Variants in APOBEC3B observed in about 807,000 individuals in gnomAD.
APOBEC3B encodes the protein DNA dC->dU-editing enzyme APOBEC-3B.
In APOBEC3B, 29 loss-of-function variants were observed where a neutral mutation model predicts 53.4. The ratio of observed to expected loss-of-function variants is 0.54; its 90% CI spans 0.40 to 0.74. The LOEUF (loss-of-function observed/expected upper bound fraction) is 0.74, where lower values mean the gene tolerates loss of function less well. APOBEC3B is among the 30% of genes least tolerant of loss of function. The probability of loss-of-function intolerance (pLI) is 0.00; values close to 1 mark genes in which losing one functional copy is unlikely to be tolerated. For synonymous variants in APOBEC3B, 132 were observed against 184.8 expected (o/e 0.71, Z 2.32); for missense variants, 347 against 496.2 (o/e 0.70, Z 2.86).
At position 38,991,931 on chromosome 22, in the gene APOBEC3B, A is replaced by G. The variant is rs190281980; in HGVS notation, c.1019-103A>G. ...TAGGGGAGGGAGAGGGAAAGGAGGGACTGAAACCAGGATGTGGGAAGTCTG... is the reference window on the plus strand; with the variant it reads ...TAGGGGAGGGAGAGGGAAAGGAGGGGCTGAAACCAGGATGTGGGAAGTCTG... On this transcript the variant is annotated intron_variant, in intron 6 of 7. Transcript: ENST00000333467. The G allele has an allele frequency of 1.1e-4, 155 of 1,434,402 alleles. 7 individuals are homozygous for G. In the African/African-American group the frequency reaches 2.1e-3, roughly 20 times the overall value. 88.9% of individuals were successfully genotyped at this position (1,434,402 alleles called of 1,614,324 possible).
At chr22:38,990,164 C>T (rs1297002288) in intron 5 of APOBEC3B, among the ~76,000 whole-genome samples, 1 of 148,058 alleles carries the variant, frequency 6.8e-6, no homozygotes, top group Admixed American at 6.9e-5. Flanking sequence ...CTTCCCTGGC[C>T]CCTACCCAGC....
intron 4 of APOBEC3B, among the ~76,000 whole-genome samples, chr22:38,988,380 A>G (rs1923821761): frequency 1.3e-5 from 2 of 148,580 alleles, no homozygotes; most frequent in Non-Finnish European, 3.0e-5. Flanking sequence ...GATTCTCTTC[A>G]CTTGTCTTTA....
Position 38,986,562 on chromosome 22 carries a change from C to A in APOBEC3B, c.569+150C>A, listed in dbSNP as rs1923751140. The A allele has an allele frequency of 1.1e-5, 11 of 965,218 alleles. No individual in the cohort carries two copies. In the South Asian group the frequency reaches 1.7e-4, roughly 15 times the overall value. The allele number at this position is 965,218 out of a possible 1,614,324, so 59.8% of individuals were successfully genotyped here. A position where few individuals can be genotyped will look rare whatever the true frequency, so the allele number is the denominator to read the frequency against. On this transcript the variant is annotated intron_variant, in intron 4 of 7. Coordinates refer to ENST00000333467, the MANE Select transcript of APOBEC3B (RefSeq NM_004900.5). The stretch of plus-strand genomic sequence containing the variant: ...CTTCCCTTAACTCCTGGTGCTCCCT[C>A]CACACTGCCTCCTCCCTGCTTTCCT...
At chr22:38,988,748 C>CTTTCTTGCTTT (rs1317657637) in intron 4 of APOBEC3B, among the ~76,000 whole-genome samples, 2 of 65,902 alleles carry the variant, frequency 3.0e-5, no homozygotes, top group African/African-American at 1.2e-4. Context: ...TTTCTTTCTT[C>CTTTCTTGCTTT]CTTTCTTCTC....
intron 5 of APOBEC3B, among the ~76,000 whole-genome samples, chr22:38,990,214 G>T (rs562649658): frequency 6.8e-6 from 1 of 148,144 alleles, no homozygotes; most frequent in South Asian, 2.2e-4. Context: ...GCTTGGCTCT[G>T]TTGCTGGAAA....
rs1923576462 is a variant in APOBEC3B at position 38,982,569 on chromosome 22, CCCTGGG to C, written c.17+101_17+106del. On this transcript the variant is annotated intron_variant, in intron 1 of 7. Transcript: ENST00000333467. ...TGGCCTCCCCCCGCCCCTGCCCCAG[CCCTGGG>C]CTCCCTCCCCTCTGGCTCCCCTGCC... is the stretch of plus-strand genomic sequence containing the variant. 7 of 1,411,870 alleles carry C rather than the reference CCCTGGG, an allele frequency of 5.0e-6. 1 individual carries two copies. The highest frequency in any genetic ancestry group is 3.7e-5 in the South Asian group (3 of 82,180). The allele number at this position is 1,411,870 out of a possible 1,614,324, so 87.5% of individuals were successfully genotyped here. A position where few individuals can be genotyped will look rare whatever the true frequency, so the allele number is the denominator to read the frequency against.
At chr22:38,988,747 T>TG (rs1569039203) in intron 4 of APOBEC3B, among the ~76,000 whole-genome samples, 2,161 of 120,208 alleles carry the variant, frequency 0.018, 194 homozygotes, top group African/African-American at 0.063. Context: ...CTTTCTTTCT[T>TG]CCTTTCTTCT....
At position 38,992,112 on chromosome 22, in the gene APOBEC3B, G is replaced by A. The variant is rs369092318; in HGVS notation, c.1097G>A (p.Ser366Asn). 7 of 1,592,880 alleles carry A rather than the reference G, an allele frequency of 4.4e-6. No homozygotes were observed. The highest frequency in any genetic ancestry group is 5.1e-6 in the Non-Finnish European group (6 of 1,172,552). The change falls in exon 7 of 8, where the codon AGC (serine) becomes AAC (asparagine). Residue 366 changes from serine to asparagine, a missense_variant. Physicochemically the swap from Ser to Asn is conservative, Grantham distance 46 (BLOSUM62 1). Coordinates refer to ENST00000333467, the MANE Select transcript of APOBEC3B (RefSeq NM_004900.5). ...CCCTGGGATGGACTAGAGGAGCACA[G>A]CCAAGCCCTGAGTGGGAGGCTGCGG... ...FQPWDGLEEH[S>N]QALSGRLRAI...
intron 4 of APOBEC3B, among the ~76,000 whole-genome samples, chr22:38,989,189 C>T (rs1231440128): frequency 1.4e-5 from 2 of 148,082 alleles, no homozygotes; most frequent in Admixed American, 6.9e-5. Flanking sequence ...AGGGTCCTCC[C>T]CGGAGGGCCT....
intron 3 of APOBEC3B, 46 bp downstream of exon 3, chr22:38,986,137 T>C (rs747471007): frequency 6.3e-7 from 1 of 1,579,022 alleles, no homozygotes; most frequent in East Asian, 2.5e-5. Flanking sequence ...AGGAACAGCA[T>C]GAAAGATGGA....
rs1923788283 is a variant in APOBEC3B at position 38,987,466 on chromosome 22, G to A, written c.569+1054G>A. The stretch of plus-strand genomic sequence containing the variant: ...TGGGCTGGTGCTCCCTGCCCTGGGA[G>A]GGTGCTCCCTGTATATGCTTCCCAC... On this transcript the variant is annotated intron_variant, in intron 4 of 7. Coordinates refer to ENST00000333467, the MANE Select transcript of APOBEC3B (RefSeq NM_004900.5). Among the ~76,000 whole-genome samples, 2 of 148,756 alleles carry A rather than the reference G, an allele frequency of 1.3e-5. 1 individual carries two copies. The highest frequency in any genetic ancestry group is 1.4e-4 in the Admixed American group (2 of 14,554).
intron 4 of APOBEC3B, among the ~76,000 whole-genome samples, chr22:38,986,940 CG>C (rs3215475): frequency 0.6 from 88,279 of 146,376 alleles, 29,461 homozygotes; most frequent in South Asian, 0.74. Flanking sequence ...TGGCTGGGGA[CG>C]GGGGGGGTCC....
chr22:38,989,354 A>G, intron 4 of APOBEC3B, 103 bp from the exon 5 acceptor site: 1 of 1,129,524 alleles, frequency 8.9e-7, no homozygotes, highest in South Asian at 1.9e-5. Flanking sequence ...CAGGTGCCTC[A>G]GTATATGGGG....
Position 38,989,178 on chromosome 22 carries a change from C to T in APOBEC3B, c.570-279C>T, listed in dbSNP as rs111881167. ...CCCAGCTCTACCCCAGGGAGAGGGG[C>T]AGGGTCCTCCCCGGAGGGCCTGAGC... On this transcript the variant is annotated intron_variant, in intron 4 of 7. Coordinates refer to ENST00000333467, the MANE Select transcript of APOBEC3B (RefSeq NM_004900.5). 5.6e-4 allele frequency among the ~76,000 whole-genome samples: 83 copies of T among 148,124 alleles called. 5 individuals are homozygous for T. Among genetic ancestry groups the T allele is most frequent in the African/African-American group, 2.0e-3 (82 of 40,842 alleles).
chr22:38,991,362 C>A lies in APOBEC3B; in HGVS notation c.754C>A (p.Arg252Ser). Residue 252 changes from arginine to serine, a missense_variant, in exon 6 of 8, where the codon CGC (arginine) becomes AGC (serine). Physicochemically the swap from Arg to Ser is moderately radical, Grantham distance 110. Coordinates refer to ENST00000333467, the MANE Select transcript of APOBEC3B (RefSeq NM_004900.5). ...GAATCTTCTCTGTGGCTTTTACGGC[C>A]GCCATGCGGAGCTGCGCTTCTTGGA... ...AKNLLCGFYGRHAELRFLDLV... is the reference protein window; with the variant it reads ...AKNLLCGFYGSHAELRFLDLV... 6.5e-7 allele frequency: 1 copy of A among 1,546,848 alleles called. No individual in the cohort carries two copies. Among genetic ancestry groups the A allele is most frequent in the Non-Finnish European group, 8.8e-7 (1 of 1,132,964 alleles).
At position 38,986,070 on chromosome 22, in the gene APOBEC3B, G is replaced by A. The variant is rs772524036; in HGVS notation, c.433G>A (p.Val145Met). The A allele has an allele frequency of 1.6e-5, 26 of 1,592,394 alleles. 1 individual carries two copies. The highest frequency in any genetic ancestry group is 9.5e-5 in the African/African-American group (7 of 74,028). Residue 145 changes from valine (V) to methionine (M), a missense_variant, in exon 3 of 8, where the codon GTG (valine) becomes ATG (methionine). Transcript: ENST00000333467. ...CAGGCTGAGTCAGGCAGGAGCCCGC[G>A]TGACGATCATGGACTATGAAGGTGA... ...LCRLSQAGAR[V>M]TIMDYEEFAY...
Position 38,991,587 on chromosome 22 carries a change from C to A in APOBEC3B, c.979C>A (p.Arg327=). ...ATATAAGGAGGCGCTGCAAATGCTG[C>A]GGGATGCTGGGGCCCAAGTCTCCAT... ...PLYKEALQML[R]DAGAQVSIMT... The change falls in exon 6 of 8, where the codon CGG becomes AGG. Residue 327 remains arginine (R), a synonymous_variant. Coordinates refer to ENST00000333467, the MANE Select transcript of APOBEC3B (RefSeq NM_004900.5). 6.7e-7 allele frequency: 1 copy of A among 1,495,588 alleles called. No individual in the cohort carries two copies. The highest frequency in any genetic ancestry group is 9.0e-7 in the Non-Finnish European group (1 of 1,112,288). 92.6% of individuals were successfully genotyped at this position (1,495,588 alleles called of 1,614,324 possible). A position where few individuals can be genotyped will look rare whatever the true frequency, so the allele number is the denominator to read the frequency against.
intron 4 of APOBEC3B, among the ~76,000 whole-genome samples, chr22:38,988,004 A>T (rs1309397972): frequency 6.7e-6 from 1 of 148,604 alleles, no homozygotes; most frequent in East Asian, 2.2e-4. Flanking sequence ...AGGCTGAAGC[A>T]GGAGAATCGC....
At chr22:38,989,087 T>A (rs2146292553) in intron 4 of APOBEC3B, among the ~76,000 whole-genome samples, 1 of 148,068 alleles carries the variant, frequency 6.8e-6, no homozygotes, top group African/African-American at 2.4e-5. Flanking sequence ...AGCAGGTCCA[T>A]CTCCAGCAGG....
Sources: gnomAD v4.1 joint callset for allele counts (sites outside exome capture counted in the v4.1 genomes callset) on GRCh38, gnomAD v4.1.1 for gene constraint, MANE v1.5 for transcripts, NCBI Gene and HGNC (gene_info 2026-07-23, HGNC 2026-07-21) for gene names.